RAP1GDS1: variants seen among roughly 807,000 people sequenced by gnomAD.
RAP1GDS1 encodes Rap1 GTPase-GDP dissociation stimulator 1, also known as RAP1, GTP-GDP dissociation stimulator 1.
A neutral mutation model predicts 71.1 loss-of-function variants in RAP1GDS1; 35 were observed. The ratio of observed to expected loss-of-function variants is 0.49; its 90% CI spans 0.38 to 0.65. The LOEUF is 0.65. Ranked by LOEUF, RAP1GDS1 falls within the 30% of genes least tolerant of loss-of-function variation. The pLI, the probability that RAP1GDS1 is intolerant of heterozygous loss-of-function variation, is 0.00. For synonymous variants in RAP1GDS1, 229 were observed against 243.1 expected (o/e 0.94, Z 0.54); for missense variants, 663 against 706.1 (o/e 0.94, Z 0.69).
At position 98,379,203 on chromosome 4, in the gene RAP1GDS1, A is replaced by T. The variant is rs774133638; in HGVS notation, c.508+40A>T. On this transcript the variant is annotated intron_variant, in intron 5 of 14. Transcript: ENST00000408927. ...AAACTTGCTTTATCTCTGGGGGAAA[A>T]ATTAAAAATTATCTTTACTATAGTG... 2.0e-6 allele frequency: 3 copies of T among 1,510,654 alleles called. No individual in the cohort carries two copies. The Admixed American group carries it at 7.0e-5, about 35-fold the overall frequency. The allele number at this position is 1,510,654 out of a possible 1,614,324, so 93.6% of individuals were successfully genotyped here.
At chr4:98,427,166 C>T (rs190186999) in intron 12 of RAP1GDS1, among the ~76,000 whole-genome samples, 72 of 152,234 alleles carry the variant, frequency 4.7e-4, no homozygotes, top group Admixed American at 2.9e-3. Flanking sequence ...CAAAGTCCAG[C>T]ATCTCTTTAT....
intron 1 of RAP1GDS1, among the ~76,000 whole-genome samples, chr4:98,264,098 G>T (rs1318058495): frequency 1.3e-5 from 2 of 152,158 alleles, no homozygotes; most frequent in Admixed American, 1.3e-4. Flanking sequence ...TTTGTCTCAA[G>T]AAATAAATAA....
chr4:98,347,543 G>A (rs1307084342), intron 3 of RAP1GDS1, among the ~76,000 whole-genome samples: 1 of 152,144 alleles, frequency 6.6e-6, no homozygotes, highest in Non-Finnish European at 1.5e-5. Context: ...TGAATTCTAT[G>A]TTGTGTAGGC....
intron 2 of RAP1GDS1, among the ~76,000 whole-genome samples, chr4:98,330,725 A>G (rs1487913400): frequency 6.7e-6 from 1 of 149,036 alleles, no homozygotes; most frequent in African/African-American, 2.5e-5. Flanking sequence ...GGGGCTCCTC[A>G]CATCCCAGAC....
intron 2 of RAP1GDS1, among the ~76,000 whole-genome samples, chr4:98,317,476 A>C (rs961196975): frequency 3.9e-5 from 6 of 152,166 alleles, no homozygotes; most frequent in Non-Finnish European, 1.5e-5. Context: ...TCTGGCTTCT[A>C]CTGTCATGGG....
chr4:98,261,422 C>T lies in RAP1GDS1; in HGVS notation c.-144C>T, dbSNP rs1263027955. ...GCGGCCGCGCCGCCTGCAGCAGCAC[C>T]AGCTGCTCCTCCCCGGCGGCCGCCC... On this transcript the variant is annotated 5_prime_UTR_variant, in exon 1 of 15. Transcript: ENST00000408927. The T allele has an allele frequency of 2.3e-5, 14 of 599,618 alleles. No individual in the cohort carries two copies. The highest frequency in any genetic ancestry group is 2.2e-4 in the East Asian group (5 of 22,394). The allele number at this position is 599,618 out of a possible 1,614,324, so 37.1% of individuals were successfully genotyped here. A position where few individuals can be genotyped will look rare whatever the true frequency, so the allele number is the denominator to read the frequency against.
chr4:98,378,575 C>G (rs966372613), intron 4 of RAP1GDS1, among the ~76,000 whole-genome samples: 1 of 151,774 alleles, frequency 6.6e-6, no homozygotes, highest in Admixed American at 6.6e-5. Context: ...TGGTTTTCTT[C>G]GATAATAGCT....
chr4:98,304,699 T>C (rs1033016445), intron 2 of RAP1GDS1, among the ~76,000 whole-genome samples: 2 of 152,232 alleles, frequency 1.3e-5, no homozygotes, highest in Non-Finnish European at 2.9e-5. Context: ...TTAGTTTAAT[T>C]AGATCCCATT....
chr4:98,278,602 G>A (rs1724574985), intron 1 of RAP1GDS1, among the ~76,000 whole-genome samples: 1 of 152,078 alleles, frequency 6.6e-6, no homozygotes, highest in Non-Finnish European at 1.5e-5. Context: ...TAGATTCTCT[G>A]CTCTCCCATG....
chr4:98,281,417 A>G (rs1290002665), intron 1 of RAP1GDS1, among the ~76,000 whole-genome samples: 2 of 152,066 alleles, frequency 1.3e-5, no homozygotes, highest in Non-Finnish European at 2.9e-5. Context: ...TTTGTCTGTT[A>G]TTGGTGTATA....
intron 12 of RAP1GDS1, 64 bp from the exon 13 acceptor site, chr4:98,433,872 T>C: frequency 6.8e-7 from 1 of 1,479,398 alleles, no homozygotes; most frequent in South Asian, 1.2e-5. Context: ...AGTTGACTGA[T>C]TTTAATGCAT....
intron 1 of RAP1GDS1, among the ~76,000 whole-genome samples, chr4:98,287,923 T>C (rs1726280327): frequency 6.6e-6 from 1 of 152,182 alleles, no homozygotes; most frequent in African/African-American, 2.4e-5. Context: ...TTCACATTAG[T>C]TTCATATTCT....
Position 98,442,127 on chromosome 4 carries a change from G to A in RAP1GDS1, c.*10G>A, listed in dbSNP as rs79017338. The A allele has an allele frequency of 4.7e-3, 7,551 of 1,610,974 alleles. 281 individuals are homozygous for A. The African/African-American group carries it at 0.087, about 19-fold the overall frequency. On this transcript the variant is annotated 3_prime_UTR_variant, in exon 15 of 15. Coordinates refer to ENST00000408927, the MANE Select transcript of RAP1GDS1 (RefSeq NM_001100427.2). ...TACTGTGGAAAGCTGAGAACTGCCC[G>A]ATACACGGCATCATCCCATCTCTAA...
intron 8 of RAP1GDS1, 87 bp downstream of exon 8, chr4:98,416,975 A>G: frequency 1.4e-6 from 2 of 1,396,210 alleles, no homozygotes. Flanking sequence ...TACCCTAGAC[A>G]TTTTCTCATA....
chr4:98,307,342 A>G (rs1167250469), intron 2 of RAP1GDS1, among the ~76,000 whole-genome samples: 2 of 152,032 alleles, frequency 1.3e-5, no homozygotes, highest in Non-Finnish European at 2.9e-5. Context: ...TTCCTATTAT[A>G]AATTTATTTT....
intron 3 of RAP1GDS1, among the ~76,000 whole-genome samples, chr4:98,350,056 T>A (rs1736934234): frequency 6.6e-6 from 1 of 152,192 alleles, no homozygotes; most frequent in Admixed American, 6.5e-5. Flanking sequence ...TAAAAAATGG[T>A]TCCAAAGAGT....
intron 4 of RAP1GDS1, among the ~76,000 whole-genome samples, chr4:98,365,825 C>G (rs1739408010): frequency 6.6e-6 from 1 of 152,024 alleles, no homozygotes; most frequent in African/African-American, 2.4e-5. Flanking sequence ...TTTAGTAGCT[C>G]TCTAACAAAA....
Position 98,394,099 on chromosome 4 carries a change from T to A in RAP1GDS1, c.637+2019T>A, listed in dbSNP as rs76203592. On this transcript the variant is annotated intron_variant, in intron 6 of 14. Transcript: ENST00000408927. The stretch of plus-strand genomic sequence containing the variant: ...TATCTCATCTAACTTTAAGGAAAAG[T>A]CAGTACAAAGTAAGGAAATTACAAT... 2.3e-3 allele frequency among the ~76,000 whole-genome samples: 345 copies of A among 152,232 alleles called. 4 individuals carry two copies. In the East Asian group the frequency reaches 0.035, roughly 15 times the overall value.
intron 9 of RAP1GDS1, among the ~76,000 whole-genome samples, chr4:98,418,038 A>T (rs1238580049): frequency 6.6e-6 from 1 of 152,152 alleles, no homozygotes; most frequent in Non-Finnish European, 1.5e-5. Flanking sequence ...CATGAAATAT[A>T]CCGTGTCTAG....
Sources: allele counts gnomAD v4.1 joint callset (sites outside exome capture counted in the v4.1 genomes callset), GRCh38; gene constraint gnomAD v4.1.1; transcripts MANE v1.5; gene names NCBI Gene and HGNC (gene_info 2026-07-23, HGNC 2026-07-21).